CAPZA2: variants seen among roughly 807,000 people sequenced by gnomAD.
CAPZA2 encodes F-actin-capping protein subunit alpha-2.
Under a neutral mutation model 44.0 loss-of-function variants are expected in CAPZA2, and 13 were observed. The ratio of observed to expected loss-of-function variants is 0.30; its 90% confidence interval spans 0.19 to 0.47. CAPZA2 has a LOEUF of 0.47. Among genes scored for constraint, CAPZA2 ranks in the 20% least tolerant of loss-of-function variants. CAPZA2 has a pLI of 1.00. For missense variants in CAPZA2, 244 were observed against 338.6 expected, an observed-to-expected ratio of 0.72 and a Z score of 2.19; for synonymous variants, 94 against 108.2, an observed-to-expected ratio of 0.87 and a Z score of 0.81.
rs1217273790 is a variant in CAPZA2 at position 116,864,367 on chromosome 7, C to T, written c.39+1717C>T. 2.0e-5 allele frequency among the ~76,000 whole-genome samples: 3 copies of T among 152,018 alleles called. No individual in the cohort carries two copies. The East Asian group carries it at 5.8e-4, about 29-fold the overall frequency. On this transcript the variant is annotated intron_variant, in intron 1 of 9. Coordinates refer to ENST00000361183, the MANE Select transcript of CAPZA2 (RefSeq NM_006136.3). ...ACAAGATGCCTTATTATCTGGCACT[C>T]TCAGGGCACTAAGCTTCATAAAGAG...
chr7:116,884,812 A>C (rs530445177), intron 1 of CAPZA2, among the ~76,000 whole-genome samples: 1 of 152,142 alleles, frequency 6.6e-6, no homozygotes, highest in East Asian at 1.9e-4. Context: ...GCTTAATTTT[A>C]TAAGAAATGG....
At chr7:116,890,509 T>TAAAA (rs1159101707) in intron 2 of CAPZA2, among the ~76,000 whole-genome samples, 12 of 29,230 alleles carry the variant, frequency 4.1e-4, no homozygotes, top group African/African-American at 1.1e-3. Context: ...TGTCTCTACT[T>TAAAA]AAAAAAAAAA....
At chr7:116,917,500 G>A (rs993593189) in intron 9 of CAPZA2, among the ~76,000 whole-genome samples, 1 of 152,052 alleles carries the variant, frequency 6.6e-6, no homozygotes, top group East Asian at 1.9e-4. Context: ...CTCGTGATCC[G>A]CCCACCTCAG....
At chr7:116,915,905 T>A (rs1281692772) in intron 8 of CAPZA2, 155 bp from the exon 9 acceptor site, 4 of 513,198 alleles carry the variant, frequency 7.8e-6, no homozygotes, top group Non-Finnish European at 1.3e-5. Flanking sequence ...TATTTTCCCC[T>A]TAGACTTAGA....
In CAPZA2 at chr7:116,904,164, T is replaced by A; in HGVS notation, c.220-13T>A. ...TTTTTTATTTTTTTTCTAAATTCAT[T>A]CCATCATCAAAGGTATTGATAACAG... On this transcript the variant is annotated splice_polypyrimidine_tract_variant and intron_variant, in intron 4 of 9. Transcript: ENST00000361183. 6.5e-7 allele frequency: 1 copy of A among 1,530,728 alleles called. No homozygotes were observed. Among genetic ancestry groups the A allele is most frequent in the Non-Finnish European group, 9.0e-7 (1 of 1,115,658 alleles). The allele number at this position is 1,530,728 out of a possible 1,614,324, so 94.8% of individuals were successfully genotyped here. A position where few individuals can be genotyped will look rare whatever the true frequency, so the allele number is the denominator to read the frequency against.
chr7:116,880,901 G>T (rs1241778049), intron 1 of CAPZA2, among the ~76,000 whole-genome samples: 1 of 148,216 alleles, frequency 6.7e-6, no homozygotes, highest in East Asian at 2.0e-4. Flanking sequence ...TAGAGACAGG[G>T]TTTCTCCCTG....
rs1238766742 is a variant in CAPZA2 at position 116,890,798 on chromosome 7, AAG to A, written c.104-2193_104-2192del. Among the ~76,000 whole-genome samples, 13 of 147,468 alleles carry A rather than the reference AAG, an allele frequency of 8.8e-5. No homozygotes were observed. The South Asian group carries it at 1.1e-3, about 12-fold the overall frequency. ...GTCTCAAAAAAAAAAAAAAAAAAAAAAGAGTTAGAAAAGAATTAAATATTTGA... is the reference window on the plus strand; with the variant it reads ...GTCTCAAAAAAAAAAAAAAAAAAAAAAGTTAGAAAAGAATTAAATATTTGA... On this transcript the variant is annotated intron_variant, in intron 2 of 9. Transcript: ENST00000361183.
At chr7:116,909,824 C>A in intron 6 of CAPZA2, 1 of 182,736 alleles carries the variant, frequency 5.5e-6, no homozygotes, top group Admixed American at 5.5e-5. Context: ...AATTTATCTC[C>A]ACAGTAGCTT....
Position 116,917,708 on chromosome 7 carries a change from T to TA in CAPZA2, c.721-17dup. 6.4e-7 allele frequency: 1 copy of TA among 1,568,750 alleles called. No homozygotes were observed. Among genetic ancestry groups the TA allele is most frequent in the South Asian group, 1.1e-5 (1 of 90,172 alleles). On this transcript the variant is annotated intron_variant, in intron 9 of 9. Transcript: ENST00000361183. Reference sequence around the variant, plus strand: ...TGTTCTTTGCTTTACTTTAAACTTCTAACTATTGTTTTTCATAGACTGCCA... The same window carrying TA: ...TGTTCTTTGCTTTACTTTAAACTTCTAAACTATTGTTTTTCATAGACTGCCA...
At chr7:116,870,644 T>G (rs1488957528) in intron 1 of CAPZA2, among the ~76,000 whole-genome samples, 2 of 152,194 alleles carry the variant, frequency 1.3e-5, no homozygotes, top group African/African-American at 4.8e-5. Context: ...GTGGACAGAT[T>G]CACCCCTTGT....
At chr7:116,908,949 G>A (rs1791550828) in intron 6 of CAPZA2, among the ~76,000 whole-genome samples, 1 of 151,974 alleles carries the variant, frequency 6.6e-6, no homozygotes, top group Non-Finnish European at 1.5e-5. Flanking sequence ...AATACAGGTT[G>A]AATATCTCTT....
chr7:116,863,161 C>T (rs1796440132), intron 1 of CAPZA2, among the ~76,000 whole-genome samples: 2 of 152,230 alleles, frequency 1.3e-5, no homozygotes, highest in South Asian at 4.1e-4. Context: ...CTTCTACTTC[C>T]CCCTCCTCAA....
chr7:116,912,145 G>A lies in CAPZA2; in HGVS notation c.657+5G>A. ...CAAGATTCCCTAACAGTGTCTGTAA[G>A]TAATTAATTCCACAATAAAATTTAA... On this transcript the variant is annotated splice_donor_5th_base_variant and intron_variant, in intron 8 of 9. Coordinates refer to ENST00000361183, the MANE Select transcript of CAPZA2 (RefSeq NM_006136.3). 1 of 1,611,836 alleles carries A rather than the reference G, an allele frequency of 6.2e-7. No individual in the cohort carries two copies. The highest frequency in any genetic ancestry group is 8.5e-7 in the Non-Finnish European group (1 of 1,178,912).
At chr7:116,913,024 G>A (rs564713751) in intron 8 of CAPZA2, among the ~76,000 whole-genome samples, 1 of 151,986 alleles carries the variant, frequency 6.6e-6, no homozygotes, top group East Asian at 1.9e-4. Context: ...ACATTTTCTT[G>A]ATGCTAATGA....
chr7:116,875,482 C>T (rs982581908), intron 1 of CAPZA2: 1 of 151,940 alleles, frequency 6.6e-6, no homozygotes, highest in African/African-American at 2.4e-5. Context: ...TCCATAAAAT[C>T]TTTCCCAGTT....
At chr7:116,881,278 G>C (rs1796694210) in intron 1 of CAPZA2, among the ~76,000 whole-genome samples, 1 of 152,044 alleles carries the variant, frequency 6.6e-6, no homozygotes, top group Admixed American at 6.5e-5. Flanking sequence ...TCGCACATCA[G>C]ACACAAAAAT....
In CAPZA2 at chr7:116,898,779, G is replaced by T; in HGVS notation, c.163G>T (p.Ala55Ser). 6.3e-7 allele frequency: 1 copy of T among 1,586,246 alleles called. No individual in the cohort carries two copies. The change falls in exon 4 of 10, where the codon GCA becomes TCA. Residue 55 changes from alanine to serine, a missense_variant. Transcript: ENST00000361183. ...LLREGAAHAFAQYNLDQFTPV... is the reference protein window; with the variant it reads ...LLREGAAHAFSQYNLDQFTPV... ...CCATTTTCTTTTTTTTAGTGCATTT[G>T]CACAGTATAACTTGGACCAGTTTAC... is the stretch of plus-strand genomic sequence containing the variant.
At chr7:116,873,421 A>C in intron 1 of CAPZA2, 1 of 152,084 alleles carries the variant, frequency 6.6e-6, no homozygotes, top group African/African-American at 2.4e-5. Context: ...GGTTTAAAAA[A>C]ATTTTTTTTA....
At chr7:116,883,630 G>A (rs995656456) in intron 1 of CAPZA2, among the ~76,000 whole-genome samples, 3 of 152,158 alleles carry the variant, frequency 2.0e-5, no homozygotes, top group African/African-American at 7.2e-5. Flanking sequence ...ATTCACTTTG[G>A]ATGTTGTGGA....
Sources: allele counts gnomAD v4.1 joint callset (sites outside exome capture counted in the v4.1 genomes callset), GRCh38; gene constraint gnomAD v4.1.1; transcripts MANE v1.5; gene names NCBI Gene and HGNC (gene_info 2026-07-23, HGNC 2026-07-21).